CDH18: variants seen among roughly 807,000 people sequenced by gnomAD.
The protein encoded by CDH18 is cadherin 18.
Under a neutral mutation model 67.9 loss-of-function variants are expected in CDH18, and 31 were observed. The observed-to-expected ratio is 0.46, with a 90% CI of 0.34 to 0.62. The LOEUF (loss-of-function observed/expected upper bound fraction) is 0.62, where lower values mean the gene tolerates loss of function less well. Among genes scored for constraint, CDH18 ranks in the 20% least tolerant of loss-of-function variants. The probability of loss-of-function intolerance (pLI) is 0.01; values close to 1 mark genes in which losing one functional copy is unlikely to be tolerated. For synonymous variants in CDH18, 362 were observed against 347.2 expected, an observed-to-expected ratio of 1.04 and a Z score of -0.48; for missense variants, 890 against 975.5, an observed-to-expected ratio of 0.91 and a Z score of 1.17.
chr5:20,321,672 T>C (rs1346201481), intron 1 of CDH18, among the ~76,000 whole-genome samples: 2 of 152,298 alleles, frequency 1.3e-5, no homozygotes, highest in East Asian at 3.9e-4. Flanking sequence ...CTCCTTTCTT[T>C]CTTTCCTTTT....
chr5:20,305,836 C>A (rs867735033), intron 1 of CDH18: 1 of 237,714 alleles, frequency 4.2e-6, no homozygotes. Flanking sequence ...CGACAGTGTT[C>A]TGAACTGGGT....
At chr5:19,508,889 G>A (rs1366651310) in intron 10 of CDH18, among the ~76,000 whole-genome samples, 2 of 138,870 alleles carry the variant, frequency 1.4e-5, no homozygotes, top group Non-Finnish European at 3.0e-5. Flanking sequence ...TTTTGTGGCA[G>A]AGACTCACTC....
intron 3 of CDH18, among the ~76,000 whole-genome samples, chr5:19,821,470 T>C (rs1396019814): frequency 6.6e-6 from 1 of 150,998 alleles, no homozygotes; most frequent in African/African-American, 2.4e-5. Context: ...CATGTGATTA[T>C]GTAAAGAGAA....
intron 2 of CDH18, among the ~76,000 whole-genome samples, chr5:20,123,629 T>G (rs1435359707): frequency 1.3e-5 from 2 of 152,136 alleles, no homozygotes; most frequent in Non-Finnish European, 1.5e-5. Flanking sequence ...CACTCACGCC[T>G]GTAATCCCAG....
chr5:19,898,021 T>A (rs1039196279), intron 2 of CDH18, among the ~76,000 whole-genome samples: 2 of 152,126 alleles, frequency 1.3e-5, no homozygotes, highest in African/African-American at 2.4e-5. Flanking sequence ...TCTATATGCA[T>A]GTGATGCTTC....
At chr5:19,979,506 G>T (rs1798829627) in intron 2 of CDH18, among the ~76,000 whole-genome samples, 1 of 151,936 alleles carries the variant, frequency 6.6e-6, no homozygotes, top group African/African-American at 2.4e-5. Flanking sequence ...TGATATATTG[G>T]CTGGGGAAAC....
At chr5:20,272,311 T>G (rs892274304) in intron 1 of CDH18, among the ~76,000 whole-genome samples, 1 of 152,046 alleles carries the variant, frequency 6.6e-6, no homozygotes, top group Non-Finnish European at 1.5e-5. Flanking sequence ...AAAGGTTCAA[T>G]GATGTGGGCT....
At chr5:20,354,925 C>T (rs913044180) in intron 1 of CDH18, among the ~76,000 whole-genome samples, 3 of 152,112 alleles carry the variant, frequency 2.0e-5, no homozygotes, top group African/African-American at 4.8e-5. Context: ...GAAAGGTATG[C>T]TTCCAATAAT....
intron 2 of CDH18, among the ~76,000 whole-genome samples, chr5:19,972,528 C>A (rs2150339687): frequency 6.6e-6 from 1 of 151,718 alleles, no homozygotes; most frequent in East Asian, 1.9e-4. Context: ...TGAATGTTCA[C>A]TGCATTATTC....
intron 5 of CDH18, among the ~76,000 whole-genome samples, chr5:19,714,626 G>A (rs936988203): frequency 3.3e-5 from 5 of 151,544 alleles, no homozygotes; most frequent in African/African-American, 1.2e-4. Flanking sequence ...TGTTGTCTGA[G>A]AATATAAAAT....
At chr5:20,414,687 A>T (rs1424361655) in intron 1 of CDH18, among the ~76,000 whole-genome samples, 1 of 152,342 alleles carries the variant, frequency 6.6e-6, no homozygotes, top group Non-Finnish European at 1.5e-5. Context: ...TTTTTTTAAG[A>T]CATAGAAATG....
chr5:20,396,750 CTT>C (rs544068074), intron 1 of CDH18, among the ~76,000 whole-genome samples: 262 of 152,180 alleles, frequency 1.7e-3, no homozygotes, highest in African/African-American at 6.1e-3. Flanking sequence ...CAATTTCAAA[CTT>C]GAGTGTAATT....
At chr5:20,465,727 C>G (rs56881594) in intron 1 of CDH18, among the ~76,000 whole-genome samples, 1 of 151,862 alleles carries the variant, frequency 6.6e-6, no homozygotes, top group Non-Finnish European at 1.5e-5. Flanking sequence ...GAAATATATA[C>G]TGATCATAAT....
chr5:19,812,281 A>G (rs980366528), intron 3 of CDH18, among the ~76,000 whole-genome samples: 1 of 152,182 alleles, frequency 6.6e-6, no homozygotes, highest in African/African-American at 2.4e-5. Flanking sequence ...AAGCAAACAA[A>G]GTGTTAAATA....
At chr5:20,053,195 A>C (rs75968431) in intron 2 of CDH18, among the ~76,000 whole-genome samples, 5,193 of 151,816 alleles carry the variant, frequency 0.034, 127 homozygotes, top group East Asian at 0.088. Flanking sequence ...TAAGGTATCT[A>C]TCTATCTTAT....
At chr5:19,895,781 T>C (rs2150096445) in intron 2 of CDH18, among the ~76,000 whole-genome samples, 1 of 152,282 alleles carries the variant, frequency 6.6e-6, no homozygotes, top group South Asian at 2.1e-4. Context: ...TAAATGACTT[T>C]ACTTATATAA....
intron 6 of CDH18, among the ~76,000 whole-genome samples, chr5:19,593,707 C>CCTCCTCCTCCTTCTT: frequency 1.2e-3 from 39 of 33,392 alleles, no homozygotes; most frequent in Admixed American, 4.2e-3. Context: ...TCCTCCTCCT[C>CCTCCTCCTCCTTCTT]CTTCTTCTTC....
intron 5 of CDH18, among the ~76,000 whole-genome samples, chr5:19,656,688 A>G (rs1428640334): frequency 6.6e-6 from 1 of 152,116 alleles, no homozygotes; most frequent in Non-Finnish European, 1.5e-5. Context: ...AAAAACCACT[A>G]GGTTTCTGTT....
chr5:20,187,175 A>G (rs1398042100), intron 2 of CDH18, among the ~76,000 whole-genome samples: 1 of 151,844 alleles, frequency 6.6e-6, no homozygotes, highest in Non-Finnish European at 1.5e-5. Context: ...ACAGAGTTTC[A>G]TTTGGACAAG....
Sources: gnomAD v4.1 joint callset for allele counts (sites outside exome capture counted in the v4.1 genomes callset) on GRCh38, gnomAD v4.1.1 for gene constraint, MANE v1.5 for transcripts, NCBI Gene and HGNC (gene_info 2026-07-23, HGNC 2026-07-21) for gene names.